LOC400499: variants seen among roughly 807,000 people sequenced by gnomAD.
the LOC400499 span, among the ~76,000 whole-genome samples, chr16:11,453,107 G>C: frequency 1.5e-3 from 232 of 152,278 alleles, 1 homozygote; most frequent in African/African-American, 5.2e-3. Context: ...CTCCCCTAAT[G>C]GGATCCAGGA....
chr16:11,440,244 A>G, the LOC400499 span, among the ~76,000 whole-genome samples: 2 of 152,166 alleles, frequency 1.3e-5, no homozygotes, highest in Non-Finnish European at 2.9e-5. Context: ...AATGGCTGCT[A>G]TATATTCACC....
At chr16:11,396,403 T>A in the LOC400499 span, 1 of 1,069,936 alleles carries the variant, frequency 9.3e-7, no homozygotes, top group East Asian at 3.2e-5. Context: ...AGATAGCCAC[T>A]AGATGGCGGG....
At chr16:11,519,734 T>C in the LOC400499 span, among the ~76,000 whole-genome samples, 1 of 151,784 alleles carries the variant, frequency 6.6e-6, no homozygotes, top group African/African-American at 2.4e-5. Flanking sequence ...AGATGGAGTT[T>C]TGCTCTTGTT....
At chr16:11,443,947 G>A in the LOC400499 span, among the ~76,000 whole-genome samples, 4 of 151,722 alleles carry the variant, frequency 2.6e-5, no homozygotes, top group African/African-American at 9.7e-5. Context: ...TGACTCTTGT[G>A]CCTAAGCCTC....
chr16:11,428,570 C>T, the LOC400499 span, among the ~76,000 whole-genome samples: 8 of 152,130 alleles, frequency 5.3e-5, no homozygotes, highest in East Asian at 1.9e-4. Context: ...GTAATGAGAA[C>T]GAACAGAGGA....
At chr16:11,379,752 C>T in the LOC400499 span, among the ~76,000 whole-genome samples, 1 of 152,130 alleles carries the variant, frequency 6.6e-6, no homozygotes, top group Non-Finnish European at 1.5e-5. Context: ...CATTTCGTCC[C>T]TTTGTGTTTA....
the LOC400499 span, chr16:11,514,651 C>A: frequency 1.6e-4 from 63 of 398,340 alleles, 1 homozygote; most frequent in Middle Eastern, 3.2e-3. Context: ...GTAGACCCCC[C>A]ATTCCCCACT....
the LOC400499 span, among the ~76,000 whole-genome samples, chr16:11,509,713 C>A: frequency 2.0e-5 from 3 of 151,968 alleles, no homozygotes; most frequent in Non-Finnish European, 4.4e-5. Flanking sequence ...CGCCTGTAAT[C>A]CCAGTTACAC....
chr16:11,393,493 G>C, the LOC400499 span: 3 of 1,232,378 alleles, frequency 2.4e-6, no homozygotes, highest in East Asian at 3.2e-5. Context: ...AACCGGACCA[G>C]GCTTTGAGAA....
the LOC400499 span, among the ~76,000 whole-genome samples, chr16:11,375,764 T>C: frequency 6.8e-6 from 1 of 146,770 alleles, no homozygotes; most frequent in Non-Finnish European, 1.5e-5. Context: ...GAGTTCGCTC[T>C]TGTTGCCCAG....
the LOC400499 span, chr16:11,414,654 T>G: frequency 5.0e-6 from 2 of 398,096 alleles, no homozygotes; most frequent in East Asian, 7.1e-5. Flanking sequence ...ACAGCGTGGG[T>G]GCTGGGTGGG....
At chr16:11,506,956 C>A in the LOC400499 span, among the ~76,000 whole-genome samples, 2 of 152,214 alleles carry the variant, frequency 1.3e-5, no homozygotes, top group African/African-American at 4.8e-5. Flanking sequence ...GCATTTCACC[C>A]CTCAGCCCAG....
At chr16:11,408,656 G>C in the LOC400499 span, among the ~76,000 whole-genome samples, 3,814 of 151,878 alleles carry the variant, frequency 0.025, 193 homozygotes, top group African/African-American at 0.087. Flanking sequence ...TGTAGCAATG[G>C]GGTCTCCCTA....
chr16:11,477,905 G>A, the LOC400499 span: 4 of 398,926 alleles, frequency 1.0e-5, no homozygotes, highest in African/African-American at 8.2e-5. Context: ...GATGGCAGCC[G>A]AGGCATTTAG....
At chr16:11,436,624 G>C in the LOC400499 span, among the ~76,000 whole-genome samples, 1 of 151,060 alleles carries the variant, frequency 6.6e-6, no homozygotes, top group Non-Finnish European at 1.5e-5. Flanking sequence ...GTCTTGCTGT[G>C]TCACCCAGGC....
chr16:11,426,500 G>C, the LOC400499 span, among the ~76,000 whole-genome samples: 3 of 151,920 alleles, frequency 2.0e-5, no homozygotes, highest in Non-Finnish European at 4.4e-5. Flanking sequence ...AAAATTATTT[G>C]TGGAAATTTT....
the LOC400499 span, among the ~76,000 whole-genome samples, chr16:11,383,450 C>T: frequency 6.6e-6 from 1 of 152,188 alleles, no homozygotes; most frequent in African/African-American, 2.4e-5. Flanking sequence ...GGGCACTAGG[C>T]CATCCATGAG....
At chr16:11,523,275 C>A in the LOC400499 span, 115 of 397,082 alleles carry the variant, frequency 2.9e-4, no homozygotes, top group African/African-American at 2.1e-3. Flanking sequence ...TTGGTCCTCC[C>A]AACTGGTATC....
the LOC400499 span, among the ~76,000 whole-genome samples, chr16:11,507,224 G>A: frequency 6.6e-6 from 1 of 152,224 alleles, no homozygotes; most frequent in African/African-American, 2.4e-5. Flanking sequence ...AGGCCACAGA[G>A]CAGCGGTCCC....
Sources: allele counts gnomAD v4.1 joint callset (sites outside exome capture counted in the v4.1 genomes callset), GRCh38; gene constraint gnomAD v4.1.1; transcripts MANE v1.5.